The following THSD4 variants were observed in gnomAD, a reference collection of about 807,000 sequenced individuals.
THSD4 encodes the protein thrombospondin type 1 domain containing 4, also known as thrombospondin type-1 domain-containing protein 4.
In THSD4, 69 loss-of-function variants were observed where a neutral mutation model predicts 119.0. The observed-to-expected ratio is 0.58, with a 90% confidence interval of 0.48 to 0.71. THSD4 has a LOEUF of 0.71. THSD4 is among the 30% of genes least tolerant of loss of function. The probability of loss-of-function intolerance (pLI) is 0.00; values close to 1 mark genes in which losing one functional copy is unlikely to be tolerated. For synonymous variants in THSD4, 524 were observed against 540.4 expected (o/e 0.97, Z 0.42); for missense variants, 1,393 against 1,391.1 (o/e 1.00, Z -0.02).
chr15:71,699,311 C>G (rs1265043008), intron 8 of THSD4, among the ~76,000 whole-genome samples: 1 of 65,738 alleles, frequency 1.5e-5, no homozygotes, highest in Non-Finnish European at 2.6e-5. Context: ...CTCCCGGGTT[C>G]ACGCCATTCT....
At chr15:71,298,998 C>T (rs890594132) in intron 6 of THSD4, among the ~76,000 whole-genome samples, 1 of 152,154 alleles carries the variant, frequency 6.6e-6, no homozygotes, top group Non-Finnish European at 1.5e-5. Context: ...TCAGCACCTG[C>T]CTGGTGATCT....
intron 6 of THSD4, among the ~76,000 whole-genome samples, chr15:71,348,968 G>A (rs1477828094): frequency 6.6e-6 from 1 of 152,152 alleles, no homozygotes; most frequent in Non-Finnish European, 1.5e-5. Flanking sequence ...CTCTTGTATT[G>A]TAATCTCTAT....
chr15:71,181,434 C>T (rs541982025), intron 3 of THSD4, among the ~76,000 whole-genome samples: 55 of 152,196 alleles, frequency 3.6e-4, no homozygotes, highest in Non-Finnish European at 6.8e-4. Flanking sequence ...TACAATGTTG[C>T]AGAAGGAGAA....
intron 6 of THSD4, among the ~76,000 whole-genome samples, chr15:71,400,129 T>G (rs2046507860): frequency 6.6e-6 from 1 of 152,186 alleles, no homozygotes; most frequent in South Asian, 2.1e-4. Flanking sequence ...CTTCTAAAGT[T>G]TCTAAAGGAC....
chr15:71,628,148 T>C (rs2140939117), intron 7 of THSD4, among the ~76,000 whole-genome samples: 1 of 152,264 alleles, frequency 6.6e-6, no homozygotes, highest in Admixed American at 6.5e-5. Flanking sequence ...ATCGGTAGCT[T>C]TTCAAAGCCT....
intron 7 of THSD4, among the ~76,000 whole-genome samples, chr15:71,463,122 A>G (rs915704787): frequency 3.3e-5 from 5 of 152,200 alleles, no homozygotes; most frequent in African/African-American, 1.2e-4. Context: ...CCTAAATGAA[A>G]GACTTCACAT....
chr15:71,169,895 C>T (rs751021010), intron 3 of THSD4, among the ~76,000 whole-genome samples: 5 of 152,004 alleles, frequency 3.3e-5, no homozygotes, highest in Admixed American at 2.0e-4. Flanking sequence ...GCAAGATGGC[C>T]AGGCATGGTG....
chr15:71,270,662 T>A lies in THSD4; in HGVS notation c.1015+13947T>A, dbSNP rs10518941. ...AAACTCCAAAGTCTGGCTACAGGAA[T>A]TTCTACTCATATGTATATGGAAGCC... On this transcript the variant is annotated intron_variant, in intron 6 of 17. Coordinates refer to ENST00000261862, the MANE Select transcript of THSD4 (RefSeq NM_024817.3). 7.9e-5 allele frequency among the ~76,000 whole-genome samples: 12 copies of A among 152,224 alleles called. No individual in the cohort carries two copies. In the East Asian group the frequency reaches 2.3e-3, roughly 29 times the overall value.
At chr15:71,401,629 T>C (rs780540861) in intron 6 of THSD4, among the ~76,000 whole-genome samples, 1 of 152,154 alleles carries the variant, frequency 6.6e-6, no homozygotes, top group Non-Finnish European at 1.5e-5. Context: ...TGTGGAGAAA[T>C]AGGAACGCTT....
chr15:71,595,670 T>G (rs1203551838), intron 7 of THSD4, among the ~76,000 whole-genome samples: 1 of 152,206 alleles, frequency 6.6e-6, no homozygotes, highest in East Asian at 1.9e-4. Context: ...GTCCAGGGGA[T>G]GCAGATTGTA....
intron 6 of THSD4, among the ~76,000 whole-genome samples, chr15:71,396,060 T>G (rs2046450864): frequency 6.6e-6 from 1 of 152,062 alleles, no homozygotes. Context: ...ACCCGTGTGC[T>G]TTTATCGCTG....
intron 7 of THSD4, among the ~76,000 whole-genome samples, chr15:71,641,012 C>CACACACTT (rs1402853406): frequency 3.7e-4 from 55 of 147,978 alleles, no homozygotes; most frequent in Admixed American, 1.1e-3. Context: ...CACACACACA[C>CACACACTT]ACTTACACAC....
chr15:71,389,057 A>G (rs1020154432), intron 6 of THSD4, among the ~76,000 whole-genome samples: 1 of 152,136 alleles, frequency 6.6e-6, no homozygotes, highest in African/African-American at 2.4e-5. Flanking sequence ...ACCTTCCGCC[A>G]TGATTGCAAG....
At chr15:71,336,455 G>C (rs2140381153) in intron 6 of THSD4, among the ~76,000 whole-genome samples, 1 of 152,232 alleles carries the variant, frequency 6.6e-6, no homozygotes, top group South Asian at 2.1e-4. Context: ...TAACTGTTAA[G>C]GGAAAAAAGT....
intron 7 of THSD4, among the ~76,000 whole-genome samples, chr15:71,455,856 T>G (rs941758665): frequency 6.6e-6 from 1 of 152,200 alleles, no homozygotes; most frequent in Non-Finnish European, 1.5e-5. Context: ...CAATTTTTTG[T>G]GCTTTTCCCA....
intron 7 of THSD4, among the ~76,000 whole-genome samples, chr15:71,427,815 T>G (rs1364929261): frequency 6.6e-6 from 1 of 151,640 alleles, no homozygotes; most frequent in Non-Finnish European, 1.5e-5. Flanking sequence ...TCCCTGGAAA[T>G]TGGATAATAT....
chr15:71,721,490 G>A (rs1297038195), intron 8 of THSD4, among the ~76,000 whole-genome samples: 2 of 136,090 alleles, frequency 1.5e-5, no homozygotes, highest in Non-Finnish European at 3.2e-5. Flanking sequence ...CCTAGTGACA[G>A]AGCGAGATTC....
chr15:71,540,228 C>T (rs2048740205), intron 7 of THSD4, among the ~76,000 whole-genome samples: 1 of 149,778 alleles, frequency 6.7e-6, no homozygotes, highest in East Asian at 2.0e-4. Flanking sequence ...ACCTCTGCCT[C>T]CTGGGTTCAA....
At chr15:71,149,834 G>A (rs1374843551) in intron 2 of THSD4, among the ~76,000 whole-genome samples, 1 of 152,102 alleles carries the variant, frequency 6.6e-6, no homozygotes, top group South Asian at 2.1e-4. Flanking sequence ...TGGTAGCGGG[G>A]GTGGAGAGTG....
Sources: allele counts gnomAD v4.1 joint callset (sites outside exome capture counted in the v4.1 genomes callset), GRCh38; gene constraint gnomAD v4.1.1; transcripts MANE v1.5; gene names NCBI Gene and HGNC (gene_info 2026-07-23, HGNC 2026-07-21).